STX16: variants seen among roughly 807,000 people sequenced by gnomAD.
STX16 encodes syntaxin 16.
Under a neutral mutation model 42.7 loss-of-function variants are expected in STX16, and 28 were observed. The ratio of observed to expected loss-of-function variants is 0.66; its 90% CI spans 0.49 to 0.90. The LOEUF (loss-of-function observed/expected upper bound fraction) is 0.90, where lower values mean the gene tolerates loss of function less well. Among genes scored for constraint, STX16 ranks in the 40% least tolerant of loss-of-function variants. The probability of loss-of-function intolerance (pLI) is 0.00; values close to 1 mark genes in which losing one functional copy is unlikely to be tolerated. For synonymous variants in STX16, 156 were observed against 155.2 expected, an observed-to-expected ratio of 1.00 and a Z score of -0.04; for missense variants, 361 against 420.9, an observed-to-expected ratio of 0.86 and a Z score of 1.24.
rs771225187 is a variant in STX16, at chr20:58,659,612, T to G, written c.133-11T>G. On this transcript the variant is annotated splice_polypyrimidine_tract_variant and intron_variant, in intron 1 of 8. Transcript: ENST00000371141. ...CTGGATGGGACTGATGGGGACAACA[T>G]GTCTCTTCAGGAGCTGGACGAGGTA... The G allele has an allele frequency of 1.2e-6, 2 of 1,612,944 alleles. No individual in the cohort carries two copies. Among genetic ancestry groups the G allele is most frequent in the South Asian group, 2.2e-5 (2 of 90,762 alleles).
chr20:58,670,643 C>T (rs778637413), intron 6 of STX16, 40 bp downstream of exon 6: 9 of 1,535,170 alleles, frequency 5.9e-6, no homozygotes, highest in South Asian at 4.5e-5. Flanking sequence ...TGTGTCTGTG[C>T]ACCCCATTCT....
intron 2 of STX16, among the ~76,000 whole-genome samples, chr20:58,662,490 T>TA (rs1789750163): frequency 6.6e-6 from 1 of 152,188 alleles, no homozygotes; most frequent in Non-Finnish European, 1.5e-5. Flanking sequence ...CAAGTGTTTT[T>TA]ATCTCTATAT....
rs979140872 is a variant in STX16, at chr20:58,651,700, G to C, written c.-307G>C. 9.9e-6 allele frequency: 3 copies of C among 302,612 alleles called. No homozygotes were observed. The highest frequency in any genetic ancestry group is 6.5e-5 in the African/African-American group (3 of 46,268). 18.7% of individuals were successfully genotyped at this position (302,612 alleles called of 1,614,324 possible). On this transcript the variant is annotated 5_prime_UTR_variant, in exon 1 of 9. Transcript: ENST00000371141. Reference sequence around the variant, plus strand: ...GTTAGACGCTTGTAGATCCAAGGTTGGATTGGGGTGGGGTCTCTGGGACGT... The same window carrying C: ...GTTAGACGCTTGTAGATCCAAGGTTCGATTGGGGTGGGGTCTCTGGGACGT...
chr20:58,659,711 C>CAT, intron 2 of STX16, 77 bp downstream of exon 2: 1 of 1,504,748 alleles, frequency 6.6e-7, no homozygotes, highest in East Asian at 2.3e-5. Context: ...AGTCTTTGCT[C>CAT]ATATATAAAA....
chr20:58,666,402 CTG>C (rs1242994217), intron 2 of STX16, among the ~76,000 whole-genome samples: 30 of 147,276 alleles, frequency 2.0e-4, no homozygotes, highest in Admixed American at 1.9e-3. Context: ...TGATTTCCCT[CTG>C]TTTTTTGTGT....
rs2083869711 is a variant in STX16, at chr20:58,667,692, C to T, written c.252+95C>T. ...TGTCATATAAACGAATTTGGCTACA[C>T]TTGAATGTATATTTCTAGAAATACT... On this transcript the variant is annotated intron_variant, in intron 3 of 8. Transcript: ENST00000371141. The T allele has an allele frequency of 3.6e-6, 4 of 1,102,620 alleles. No homozygotes were observed. The Admixed American group carries it at 8.0e-5, about 22-fold the overall frequency. 68.3% of individuals were successfully genotyped at this position (1,102,620 alleles called of 1,614,324 possible).
In STX16 at chr20:58,671,145, T is replaced by C. The variant is rs983488302; in HGVS notation, c.649-9T>C. ...AATCTATCCAACACATTGTGCACTG[T>C]CTTGCTAGGGTTTTACAGAGGACCA... is the stretch of plus-strand genomic sequence containing the variant. On this transcript the variant is annotated splice_polypyrimidine_tract_variant and intron_variant, in intron 6 of 8. Transcript: ENST00000371141. 2 of 1,612,804 alleles carry C rather than the reference T, an allele frequency of 1.2e-6. No individual in the cohort carries two copies. The highest frequency in any genetic ancestry group is 1.3e-5 in the African/African-American group (1 of 74,912).
At chr20:58,671,013 A>T in intron 6 of STX16, 141 bp from the exon 7 acceptor site, 2 of 889,084 alleles carry the variant, frequency 2.2e-6, no homozygotes, top group Non-Finnish European at 3.2e-6. Flanking sequence ...ATGAGTGCTT[A>T]CTGTGCTTTG....
intron 2 of STX16, among the ~76,000 whole-genome samples, chr20:58,666,153 A>G (rs925020926): frequency 2.0e-5 from 3 of 152,226 alleles, no homozygotes; most frequent in African/African-American, 7.2e-5. Context: ...AGTTAAATGC[A>G]AGGAAGAGGG....
At chr20:58,670,400 A>G in intron 5 of STX16, 112 bp from the exon 6 acceptor site, 3 of 809,982 alleles carry the variant, frequency 3.7e-6, no homozygotes, top group Non-Finnish European at 6.1e-6. Flanking sequence ...AGCGGCTAAG[A>G]ATATCTCAAT....
intron 8 of STX16, among the ~76,000 whole-genome samples, chr20:58,674,542 C>T (rs1028913617): frequency 1.3e-5 from 2 of 152,160 alleles, no homozygotes; most frequent in Non-Finnish European, 2.9e-5. Context: ...TGAAATCAGT[C>T]GCTTCCTATA....
chr20:58,665,732 T>C (rs1044774189), intron 2 of STX16, among the ~76,000 whole-genome samples: 1 of 152,136 alleles, frequency 6.6e-6, no homozygotes, highest in Non-Finnish European at 1.5e-5. Flanking sequence ...GTTTAAGAAA[T>C]GACACTGGCC....
chr20:58,662,304 A>C (rs1252701047), intron 2 of STX16, among the ~76,000 whole-genome samples: 2 of 152,154 alleles, frequency 1.3e-5, no homozygotes, highest in African/African-American at 2.4e-5. Flanking sequence ...CCTCTGAAGG[A>C]TTGTTCTTGG....
At chr20:58,665,078 G>A (rs1044690661) in intron 2 of STX16, among the ~76,000 whole-genome samples, 2 of 152,176 alleles carry the variant, frequency 1.3e-5, no homozygotes, top group East Asian at 1.9e-4. Context: ...TTGTCCCCCT[G>A]CTTTTTAGTC....
intron 2 of STX16, chr20:58,667,270 G>A (rs2122974692): frequency 1.5e-6 from 1 of 646,048 alleles, no homozygotes; most frequent in East Asian, 3.1e-5. Context: ...GAAAAGATAG[G>A]AAAACAATCC....
chr20:58,670,390 AGCG>A, intron 5 of STX16, 119 bp from the exon 6 acceptor site: 1 of 718,708 alleles, frequency 1.4e-6, no homozygotes, highest in Non-Finnish European at 2.4e-6. Context: ...GCTTCTTTAA[AGCG>A]GCTAAGAATA....
chr20:58,652,282 A>T (rs2083477064), intron 1 of STX16, 144 bp downstream of exon 1: 2 of 1,222,568 alleles, frequency 1.6e-6, no homozygotes, highest in Non-Finnish European at 2.3e-6. Flanking sequence ...GGCTAGAGTC[A>T]GGGGGCATCT....
chr20:58,652,341 T>A, intron 1 of STX16: 3 of 685,632 alleles, frequency 4.4e-6, no homozygotes, highest in Non-Finnish European at 7.6e-6. Context: ...CAGCTCCACC[T>A]CTGCCCGGTC....
intron 8 of STX16, among the ~76,000 whole-genome samples, chr20:58,675,680 G>C (rs893193119): frequency 6.6e-6 from 1 of 152,208 alleles, no homozygotes; most frequent in African/African-American, 2.4e-5. Flanking sequence ...CAAAGGATGA[G>C]TTTTTGTTTC....
Sources: gnomAD v4.1 joint callset for allele counts (sites outside exome capture counted in the v4.1 genomes callset) on GRCh38, gnomAD v4.1.1 for gene constraint, MANE v1.5 for transcripts, NCBI Gene and HGNC (gene_info 2026-07-23, HGNC 2026-07-21) for gene names.